Variants in GARRE1 observed in about 807,000 individuals in gnomAD.
GARRE1 encodes the protein granule associated Rac and RHOG effector 1, also known as granule associated Rac and RHOG effector protein 1.
In GARRE1, 49 loss-of-function variants were observed where a neutral mutation model predicts 103.2. The observed-to-expected ratio is 0.47, with a 90% CI of 0.38 to 0.60. GARRE1 has a LOEUF of 0.60. Ranked by LOEUF, GARRE1 falls within the 20% of genes least tolerant of loss-of-function variation. GARRE1 has a pLI of 0.00. For synonymous variants in GARRE1, 505 were observed against 532.8 expected (o/e 0.95, Z 0.72); for missense variants, 1,199 against 1,370.5 (o/e 0.87, Z 1.98).
chr19:34,308,950 C>G (rs1019884893), intron 2 of GARRE1, among the ~76,000 whole-genome samples: 1 of 152,006 alleles, frequency 6.6e-6, no homozygotes, highest in African/African-American at 2.4e-5. Context: ...TCAGGCCTTC[C>G]GCACCCAAAT....
At chr19:34,285,577 C>A (rs190445629) in intron 1 of GARRE1, among the ~76,000 whole-genome samples, 6 of 151,966 alleles carry the variant, frequency 3.9e-5, no homozygotes, top group African/African-American at 1.5e-4. Context: ...GAGCCGAGAT[C>A]GCACCACTGC....
At position 34,349,301 on chromosome 19, in the gene GARRE1, T is replaced by C. The variant is rs1599784883; in HGVS notation, c.2825+148T>C. 96 of 777,166 alleles carry C rather than the reference T, an allele frequency of 1.2e-4. No homozygotes were observed. The East Asian group carries it at 2.5e-3, about 20-fold the overall frequency. The allele number at this position is 777,166 out of a possible 1,614,324, so 48.1% of individuals were successfully genotyped here. ...CTTCCAGCAATGCCTGGCTGAAGCC[T>C]CTGAAGAGCACCTGCAGGAGGCGGT... On this transcript the variant is annotated intron_variant, in intron 12 of 13. Transcript: ENST00000299505.
chr19:34,319,942 C>A lies in GARRE1; in HGVS notation c.531C>A (p.Val177=). 1 of 1,614,244 alleles carries A rather than the reference C, an allele frequency of 6.2e-7. No individual in the cohort carries two copies. The highest frequency in any genetic ancestry group is 8.5e-7 in the Non-Finnish European group (1 of 1,180,040). ...GATGTTTCCTGACTGTGGTGCAAGT[C>A]CATTTCCAGTTTTTGACTCATGCGT... ...LGRCFLTVVQ[V]HFQFLTHALQ... The change falls in exon 3 of 14, where the codon GTC becomes GTA. Residue 177 remains valine, a synonymous_variant. Coordinates refer to ENST00000299505, the MANE Select transcript of GARRE1 (RefSeq NM_014686.5).
At chr19:34,281,749 T>C (rs1358298955) in intron 1 of GARRE1, among the ~76,000 whole-genome samples, 1 of 149,058 alleles carries the variant, frequency 6.7e-6, no homozygotes, top group Non-Finnish European at 1.5e-5. Context: ...AAATAATTCT[T>C]CTCTGTGTGG....
intron 1 of GARRE1, among the ~76,000 whole-genome samples, chr19:34,289,734 T>TA (rs528568162): frequency 1.1e-4 from 16 of 146,546 alleles, no homozygotes; most frequent in South Asian, 6.7e-4. Flanking sequence ...AAAAAAAAAA[T>TA]AAAAAAAAGT....
intron 1 of GARRE1, among the ~76,000 whole-genome samples, chr19:34,286,792 T>C (rs1202143309): frequency 6.6e-6 from 1 of 152,112 alleles, no homozygotes; most frequent in Non-Finnish European, 1.5e-5. Context: ...TGAGCCACCA[T>C]GTCCGGCCTT....
In GARRE1 at chr19:34,344,473, C is replaced by G. The variant is rs1051064553; in HGVS notation, c.2521+2018C>G. ...GGGCGTAGTGGCGGGCGCCTGTAGT[C>G]CCAGCTACTTGGGAGGCTGAGGCAG... is the stretch of plus-strand genomic sequence containing the variant. On this transcript the variant is annotated intron_variant, in intron 10 of 13. Coordinates refer to ENST00000299505, the MANE Select transcript of GARRE1 (RefSeq NM_014686.5). Among the ~76,000 whole-genome samples the G allele has an allele frequency of 5.2e-4, 78 of 150,666 alleles. 1 individual carries two copies. Among genetic ancestry groups the G allele is most frequent in the African/African-American group, 1.4e-3 (57 of 41,142 alleles).
At chr19:34,312,031 G>C (rs2074039393) in intron 2 of GARRE1, among the ~76,000 whole-genome samples, 1 of 151,948 alleles carries the variant, frequency 6.6e-6, no homozygotes, top group Non-Finnish European at 1.5e-5. Context: ...GCCCAGGCTG[G>C]TCTCAAACTC....
chr19:34,321,173 C>T (rs1186419512), intron 3 of GARRE1, among the ~76,000 whole-genome samples: 2 of 146,044 alleles, frequency 1.4e-5, no homozygotes, highest in Non-Finnish European at 3.0e-5. Context: ...TCTCCTGCCT[C>T]GGCCTCCCGA....
chr19:34,328,039 C>T lies in GARRE1; in HGVS notation c.992C>T (p.Pro331Leu). Residue 331 changes from proline to leucine, a missense_variant, in exon 6 of 14, where the codon CCC (proline) becomes CTC (leucine). Pro to Leu is a moderately conservative substitution (Grantham distance 98). Transcript: ENST00000299505. ...CAGCAGACGGGGCGGAGGCAGACACCCCCGCAGCCCATGCAGTGTGAGCTC... is the reference window on the plus strand; with the variant it reads ...CAGCAGACGGGGCGGAGGCAGACACTCCCGCAGCCCATGCAGTGTGAGCTC... ...EAQQTGRRQT[P>L]PQPMQCELPT... 6.2e-7 allele frequency: 1 copy of T among 1,614,146 alleles called. No individual in the cohort carries two copies. Among genetic ancestry groups the T allele is most frequent in the Non-Finnish European group, 8.5e-7 (1 of 1,180,034 alleles).
At chr19:34,276,783 A>C (rs753729300) in intron 1 of GARRE1, among the ~76,000 whole-genome samples, 1 of 152,274 alleles carries the variant, frequency 6.6e-6, no homozygotes, top group Non-Finnish European at 1.5e-5. Context: ...CGACAGTGCC[A>C]CTGGAACAAT....
At position 34,340,117 on chromosome 19, in the gene GARRE1, A is replaced by G. The variant is rs547948744; in HGVS notation, c.1487+125A>G. The stretch of plus-strand genomic sequence containing the variant: ...AGAAGGCAGTAAGGACTTTTTAGTA[A>G]CTTTTATTTTCAGAATAATTTAAAA... On this transcript the variant is annotated intron_variant, in intron 9 of 13. Coordinates refer to ENST00000299505, the MANE Select transcript of GARRE1 (RefSeq NM_014686.5). 6.2e-6 allele frequency: 6 copies of G among 970,414 alleles called. No individual in the cohort carries two copies. In the African/African-American group the frequency reaches 9.7e-5, roughly 16 times the overall value. The allele number at this position is 970,414 out of a possible 1,614,324, so 60.1% of individuals were successfully genotyped here.
intron 11 of GARRE1, chr19:34,348,444 T>C (rs1401499842): frequency 1.2e-5 from 2 of 163,646 alleles, no homozygotes; most frequent in African/African-American, 2.4e-5. Context: ...AAGTGTACAA[T>C]TGAGATTCTA....
intron 3 of GARRE1, among the ~76,000 whole-genome samples, chr19:34,325,381 C>T (rs934370203): frequency 2.6e-5 from 4 of 152,160 alleles, no homozygotes; most frequent in African/African-American, 9.7e-5. Flanking sequence ...TCACAGGTGG[C>T]TCAGGCGTAG....
At chr19:34,334,910 C>T (rs1026047634) in intron 8 of GARRE1, among the ~76,000 whole-genome samples, 4 of 151,866 alleles carry the variant, frequency 2.6e-5, no homozygotes, top group Admixed American at 6.6e-5. Flanking sequence ...AAAAATTAGC[C>T]GGGCGTGGTG....
At chr19:34,262,341 G>A (rs1029895425) in intron 1 of GARRE1, among the ~76,000 whole-genome samples, 3 of 126,818 alleles carry the variant, frequency 2.4e-5, no homozygotes, top group African/African-American at 9.2e-5. Flanking sequence ...TCTCACCCAG[G>A]CTGGAATGCA....
chr19:34,296,938 T>G lies in GARRE1; in HGVS notation c.-795-2741T>G, dbSNP rs901451507. On this transcript the variant is annotated intron_variant, in intron 1 of 13. Transcript: ENST00000299505. Reference sequence around the variant, plus strand: ...TAGGACAGCAGGCATGCACTACCACTCCTGGCTTCCAAATGAATTTTGGGG... The same window carrying G: ...TAGGACAGCAGGCATGCACTACCACGCCTGGCTTCCAAATGAATTTTGGGG... 1.1e-4 allele frequency among the ~76,000 whole-genome samples: 16 copies of G among 152,262 alleles called. No homozygotes were observed. The Middle Eastern group carries it at 0.01, about 97-fold the overall frequency.
intron 1 of GARRE1, among the ~76,000 whole-genome samples, chr19:34,285,628 A>C (rs1005154141): frequency 1.3e-5 from 2 of 152,204 alleles, no homozygotes; most frequent in South Asian, 2.1e-4. Context: ...ATCTCAAAAA[A>C]AGAAAAAAGA....
chr19:34,335,756 C>T (rs903275347), intron 8 of GARRE1, among the ~76,000 whole-genome samples: 1 of 152,174 alleles, frequency 6.6e-6, no homozygotes, highest in Non-Finnish European at 1.5e-5. Context: ...GAACTCCTGA[C>T]CTCAGGTGAT....
Sources: allele counts gnomAD v4.1 joint callset (sites outside exome capture counted in the v4.1 genomes callset), GRCh38; gene constraint gnomAD v4.1.1; transcripts MANE v1.5; gene names NCBI Gene and HGNC (gene_info 2026-07-23, HGNC 2026-07-21).